The following RYR1 variants were observed in gnomAD, a reference collection of about 807,000 sequenced individuals.
The protein encoded by RYR1 is ryanodine receptor 1.
RYR1 carries 342 observed loss-of-function variants against 583.5 expected under a neutral mutation model. The ratio of observed to expected loss-of-function variants is 0.59; its 90% CI spans 0.54 to 0.64. The LOEUF (loss-of-function observed/expected upper bound fraction) is 0.64. RYR1 is among the 30% of genes least tolerant of loss of function. The pLI is 0.00. For missense variants in RYR1, 6,032 were observed against 6,917.2 expected (o/e 0.87, Z 4.54); for synonymous variants, 2,791 against 2,822.5 (o/e 0.99, Z 0.35).
rs761716875 is a variant in RYR1, at chr19:38,478,616, A to G, written c.4620+16A>G. On this transcript the variant is annotated intron_variant, in intron 31 of 105. Coordinates refer to ENST00000359596, the MANE Select transcript of RYR1 (RefSeq NM_000540.3). ...CTTTTTCCAGGTGAGTCCAGGCCACAGCAATTTAGCGAGAGCATCATGTCC... is the reference window on the plus strand; with the variant it reads ...CTTTTTCCAGGTGAGTCCAGGCCACGGCAATTTAGCGAGAGCATCATGTCC... The G allele has an allele frequency of 6.2e-7, 1 of 1,607,080 alleles. No homozygotes were observed. The highest frequency in any genetic ancestry group is 1.7e-5 in the Admixed American group (1 of 60,012).
Position 38,536,011 on chromosome 19 carries a change from A to T in RYR1, c.11531A>T (p.Asn3844Ile). The T allele has an allele frequency of 6.2e-7, 1 of 1,613,794 alleles. No homozygotes were observed. The highest frequency in any genetic ancestry group is 8.5e-7 in the Non-Finnish European group (1 of 1,179,936). ...LMQTCSVLDL[N>I]AFERQNKAEG... ...CTTTTCCTCAGCGTCCTGGATCTCA[A>T]TGCCTTTGAGAGACAGAACAAGGCC... Residue 3844 changes from asparagine to isoleucine, a missense_variant, in exon 82 of 106, where the codon AAT (asparagine) becomes ATT (isoleucine). Asn to Ile is a moderately radical substitution (Grantham distance 149). Coordinates refer to ENST00000359596, the MANE Select transcript of RYR1 (RefSeq NM_000540.3).
chr19:38,537,096 G>T, intron 83 of RYR1: 1 of 467,520 alleles, frequency 2.1e-6, no homozygotes. Flanking sequence ...ACCCAGATTC[G>T]CAGTCCCGGT....
Position 38,587,471 on chromosome 19 carries a change from GCAAGCCCCTTAGTCCC to G in RYR1, c.*61_*76del, listed in dbSNP as rs775348596. 1.5e-6 allele frequency: 2 copies of G among 1,364,532 alleles called. No homozygotes were observed. Among genetic ancestry groups the G allele is most frequent in the Non-Finnish European group, 2.1e-6 (2 of 954,078 alleles). The allele number at this position is 1,364,532 out of a possible 1,614,324, so 84.5% of individuals were successfully genotyped here. On this transcript the variant is annotated 3_prime_UTR_variant, in exon 106 of 106. Transcript: ENST00000359596. Reference sequence around the variant, plus strand: ...CCACCTCAAGTGCCTTATTCTCACAGCAAGCCCCTTAGTCCCCAAGCCCCTCCCCCTAAGGCAGCTG... The same window carrying G: ...CCACCTCAAGTGCCTTATTCTCACAGCAAGCCCCTCCCCCTAAGGCAGCTG...
At chr19:38,472,436 T>C (rs934324460) in intron 27 of RYR1, among the ~76,000 whole-genome samples, 1 of 152,156 alleles carries the variant, frequency 6.6e-6, no homozygotes, top group Non-Finnish European at 1.5e-5. Context: ...ACAGGTTCAG[T>C]TGCTCATCAG....
At position 38,466,253 on chromosome 19, in the gene RYR1, CAT is replaced by C; in HGVS notation, c.3034_3035del (p.Ile1012ProfsTer16). 1 of 1,613,312 alleles carries C rather than the reference CAT, an allele frequency of 6.2e-7. No individual in the cohort carries two copies. The highest frequency in any genetic ancestry group is 8.5e-7 in the Non-Finnish European group (1 of 1,179,954). ...GCTGGAGCTACAGCGCAGTGCAGGACATCCCAGCGCGCCGAAACCCTCGGCTG... is the reference window on the plus strand; with the variant it reads ...GCTGGAGCTACAGCGCAGTGCAGGACCCCAGCGCGCCGAAACCCTCGGCTG... ...QGWSYSAVQDIPARRNPRLVP... is the reference protein window; with the variant it reads ...QGWSYSAVQDXPARRNPRLVP... On this transcript the variant is annotated frameshift_variant, in exon 24 of 106. Coordinates refer to ENST00000359596, the MANE Select transcript of RYR1 (RefSeq NM_000540.3). LOFTEE classifies it high-confidence loss of function.
chr19:38,470,230 A>C (rs1968349663), intron 27 of RYR1, among the ~76,000 whole-genome samples: 1 of 151,890 alleles, frequency 6.6e-6, no homozygotes, highest in African/African-American at 2.4e-5. Context: ...CTAGCCTAAG[A>C]GACAGAGCAA....
At chr19:38,525,115 T>C (rs578130938) in intron 70 of RYR1, among the ~76,000 whole-genome samples, 69 of 151,892 alleles carry the variant, frequency 4.5e-4, no homozygotes, top group African/African-American at 1.6e-3. Context: ...AACTGGGAAT[T>C]TGGGTTGTGG....
Position 38,499,960 on chromosome 19 carries a change from A to G in RYR1, c.7267A>G (p.Met2423Val). The G allele has an allele frequency of 6.2e-7, 1 of 1,614,082 alleles. No individual in the cohort carries two copies. The highest frequency in any genetic ancestry group is 2.2e-5 in the East Asian group (1 of 44,862). The change falls in exon 45 of 106, where the codon ATG becomes GTG. Residue 2423 changes from methionine to valine, a missense_variant. Met to Val is a conservative substitution (Grantham distance 21, BLOSUM62 1). Around this residue, in one of 11 missense-constraint regions of RYR1, gnomAD observed 2,627 missense variants for 2,961.3 expected, o/e 0.89. Coordinates refer to ENST00000359596, the MANE Select transcript of RYR1 (RefSeq NM_000540.3). The surrounding 1 kb of genome is among the most constrained non-coding windows in gnomAD (Gnocchi z 7.3). ...ENRVHLGHAI[M>V]SFYAALIDLL... The stretch of plus-strand genomic sequence containing the variant: ...CCGGGTGCACCTGGGACACGCCATC[A>G]TGTCCTTCTATGCCGCCTTGATCGA...
chr19:38,442,963 C>A (rs570774798), intron 3 of RYR1, among the ~76,000 whole-genome samples: 1 of 152,208 alleles, frequency 6.6e-6, no homozygotes, highest in African/African-American at 2.4e-5. Flanking sequence ...CTGGCCCCAT[C>A]ACATGGTACC....
In RYR1 at chr19:38,485,860, G is replaced by C. The variant is rs373939223; in HGVS notation, c.5205G>C (p.Val1735=). The C allele has an allele frequency of 3.1e-6, 5 of 1,613,572 alleles. No homozygotes were observed. In the African/African-American group the frequency reaches 5.3e-5, roughly 17 times the overall value. The change falls in exon 34 of 106, where the codon GTG becomes GTC. Residue 1735 remains valine, a synonymous_variant. Coordinates refer to ENST00000359596, the MANE Select transcript of RYR1 (RefSeq NM_000540.3). ...GCTCCATGCTCTCTGAATACATCGTGCCCCTCACGCCTGAGACCCGCGCCA... is the reference window on the plus strand; with the variant it reads ...GCTCCATGCTCTCTGAATACATCGTCCCCCTCACGCCTGAGACCCGCGCCA... ...SRRSMLSEYI[V]PLTPETRAIT... is the part of the protein sequence containing the mutation.
At position 38,496,279 on chromosome 19, in the gene RYR1, G is replaced by A. The variant is rs762636202; in HGVS notation, c.6613G>A (p.Glu2205Lys). The A allele has an allele frequency of 1.9e-6, 3 of 1,614,024 alleles. No individual in the cohort carries two copies. Among genetic ancestry groups the A allele is most frequent in the African/African-American group, 1.3e-5 (1 of 75,056 alleles). ...CCTGATGAGGGCGCTGGGCATGCAC[G>A]AGACGGTCATGGAGGTCATGGTCAA... ...PNLMRALGMH[E>K]TVMEVMVNVL... The change falls in exon 40 of 106, where the codon GAG (glutamate) becomes AAG (lysine). Residue 2205 changes from glutamate (E) to lysine (K), a missense_variant. Around this residue, in one of 11 missense-constraint regions of RYR1, gnomAD observed 2,627 missense variants for 2,961.3 expected, o/e 0.89. Transcript: ENST00000359596. This position sits in a 1 kb window ranked among gnomAD's most constrained non-coding sequence, Gnocchi z 4.8.
At chr19:38,575,990 G>C (rs369014176) in intron 97 of RYR1, 29 bp downstream of exon 97, 6 of 1,613,732 alleles carry the variant, frequency 3.7e-6, no homozygotes, top group Non-Finnish European at 4.2e-6. Flanking sequence ...CCTGGGTCCT[G>C]GATTGGGTCC....
At chr19:38,491,356 TC>T (rs1969542101) in intron 37 of RYR1, among the ~76,000 whole-genome samples, 1 of 152,124 alleles carries the variant, frequency 6.6e-6, no homozygotes, top group Non-Finnish European at 1.5e-5. Context: ...CCTTTCCTCT[TC>T]CTCTGGGACT....
chr19:38,492,385 A>T (rs1969590165), intron 37 of RYR1, 105 bp from the exon 38 acceptor site: 27 of 1,268,554 alleles, frequency 2.1e-5, no homozygotes, highest in Non-Finnish European at 2.6e-5. Context: ...AAAGGAAATG[A>T]AAAACTCCAT....
chr19:38,539,014 C>CA (rs976680784), intron 84 of RYR1, among the ~76,000 whole-genome samples: 8 of 152,142 alleles, frequency 5.3e-5, no homozygotes, highest in Non-Finnish European at 1.0e-4. Flanking sequence ...ACTTTCGTGA[C>CA]AAGAATTGGA....
At chr19:38,503,972 C>A (rs953114427) in intron 49 of RYR1, among the ~76,000 whole-genome samples, 6 of 152,166 alleles carry the variant, frequency 3.9e-5, no homozygotes, top group African/African-American at 1.4e-4. Context: ...CAATACCAGA[C>A]ACAACCAGCT....
Position 38,561,053 on chromosome 19 carries a change from AAAAAGAG to A in RYR1, c.12283-58_12283-52del. 4.4e-5 allele frequency: 64 copies of A among 1,466,724 alleles called. No individual in the cohort carries two copies. Among genetic ancestry groups the A allele is most frequent in the African/African-American group, 1.4e-4 (10 of 69,164 alleles). The allele number at this position is 1,466,724 out of a possible 1,614,324, so 90.9% of individuals were successfully genotyped here. On this transcript the variant is annotated intron_variant, in intron 89 of 105. Transcript: ENST00000359596. This position sits in a 1 kb window ranked among gnomAD's most constrained non-coding sequence, Gnocchi z 4.8. ...GAGACCTTGTCTTAAAAAAAAAAAAAAAAAGAGAGAGAATTGAGGCTCTCCAGGTCAC... is the reference window on the plus strand; with the variant it reads ...GAGACCTTGTCTTAAAAAAAAAAAAAAGAGAATTGAGGCTCTCCAGGTCAC...
chr19:38,449,013 T>C (rs906187039), intron 11 of RYR1, among the ~76,000 whole-genome samples, 200 bp downstream of exon 11: 6 of 150,642 alleles, frequency 4.0e-5, no homozygotes, highest in Admixed American at 6.6e-5. Flanking sequence ...AGATAGAGAC[T>C]GGGAGAGAAA....
At chr19:38,493,858 C>G (rs554151699) in intron 38 of RYR1, among the ~76,000 whole-genome samples, 2 of 152,114 alleles carry the variant, frequency 1.3e-5, no homozygotes, top group Non-Finnish European at 1.5e-5. Flanking sequence ...GGGATTGTGA[C>G]ATGTGCCTTC....
Sources: allele counts gnomAD v4.1 joint callset (sites outside exome capture counted in the v4.1 genomes callset), GRCh38; gene constraint gnomAD v4.1.1; regional missense constraint gnomAD v4.1.1; non-coding constraint Gnocchi (gnomAD v3.1); transcripts MANE v1.5; gene names NCBI Gene and HGNC (gene_info 2026-07-23, HGNC 2026-07-21).